The following ASPRV1 variants were observed in gnomAD, a reference collection of about 807,000 sequenced individuals.
The protein encoded by ASPRV1 is retroviral-like aspartic protease 1.
ASPRV1 carries 7 observed loss-of-function variants against 11.0 expected under a neutral mutation model. The observed-to-expected ratio is 0.64, with a 90% CI of 0.36 to 1.20. ASPRV1 has a LOEUF of 1.20. Ranked by LOEUF, ASPRV1 falls within the 50% of genes most tolerant of loss-of-function variation. The pLI, the probability that ASPRV1 is intolerant of heterozygous loss-of-function variation, is 0.02. For synonymous variants in ASPRV1, 136 were observed against 138.4 expected, an observed-to-expected ratio of 0.98 and a Z score of 0.12; for missense variants, 299 against 320.0, an observed-to-expected ratio of 0.93 and a Z score of 0.50.
the ASPRV1 span, among the ~76,000 whole-genome samples, chr2:69,984,673 T>A: frequency 1.6e-5 from 2 of 123,230 alleles, no homozygotes; most frequent in African/African-American, 6.3e-5. Context: ...CAGGCTGGAG[T>A]GCAATATTGC....
At chr2:70,016,216 T>C in the ASPRV1 span, 16 of 152,336 alleles carry the variant, frequency 1.1e-4, no homozygotes, top group Non-Finnish European at 1.9e-4. Context: ...CCAAGTATCT[T>C]TTCTGACCAC....
the ASPRV1 span, among the ~76,000 whole-genome samples, chr2:70,079,483 A>C: frequency 6.6e-6 from 1 of 152,286 alleles, no homozygotes; most frequent in African/African-American, 2.4e-5. Flanking sequence ...TAAAAAATAA[A>C]GTCCTGAAAG....
At chr2:70,079,698 T>C in the ASPRV1 span, among the ~76,000 whole-genome samples, 1 of 152,162 alleles carries the variant, frequency 6.6e-6, no homozygotes, top group African/African-American at 2.4e-5. Context: ...TACTGAGATA[T>C]CAAGAATAAA....
At chr2:69,969,351 G>A in the ASPRV1 span, among the ~76,000 whole-genome samples, 11 of 152,302 alleles carry the variant, frequency 7.2e-5, no homozygotes, top group South Asian at 2.1e-3. Context: ...GCCTTGCCAG[G>A]GACATTGGCG....
chr2:69,952,247 T>C, the ASPRV1 span, among the ~76,000 whole-genome samples: 1 of 152,174 alleles, frequency 6.6e-6, no homozygotes, highest in South Asian at 2.1e-4. Flanking sequence ...AGAAATTGCC[T>C]GGCCGGGTGC....
the ASPRV1 span, among the ~76,000 whole-genome samples, chr2:70,036,818 C>T: frequency 1.3e-5 from 2 of 152,114 alleles, no homozygotes; most frequent in Non-Finnish European, 2.9e-5. Flanking sequence ...CAGGTATGAG[C>T]CACTGCGCCT....
At chr2:70,055,694 C>T in the ASPRV1 span, 842 of 152,166 alleles carry the variant, frequency 5.5e-3, 8 homozygotes, top group Middle Eastern at 0.02. Context: ...CCATGGCACA[C>T]GTACAGCTAT....
the ASPRV1 span, among the ~76,000 whole-genome samples, chr2:69,983,095 C>T: frequency 6.6e-6 from 1 of 151,976 alleles, no homozygotes; most frequent in African/African-American, 2.4e-5. Flanking sequence ...ATTTTTGTAT[C>T]TTTAGTAGAG....
At chr2:69,980,456 A>G in the ASPRV1 span, among the ~76,000 whole-genome samples, 1 of 152,160 alleles carries the variant, frequency 6.6e-6, no homozygotes, top group African/African-American at 2.4e-5. Flanking sequence ...TTTCAAGTGT[A>G]CATGCACACA....
the ASPRV1 span, among the ~76,000 whole-genome samples, chr2:70,004,674 T>C: frequency 1.3e-5 from 2 of 152,188 alleles, no homozygotes; most frequent in Non-Finnish European, 1.5e-5. Context: ...TCTTATATGG[T>C]AGAATCTGTT....
chr2:70,022,840 T>G, the ASPRV1 span, among the ~76,000 whole-genome samples: 1 of 152,046 alleles, frequency 6.6e-6, no homozygotes, highest in South Asian at 2.1e-4. Flanking sequence ...CTATTTTTTG[T>G]GTATAAATTA....
the ASPRV1 span, among the ~76,000 whole-genome samples, chr2:70,036,418 G>A: frequency 1.3e-5 from 2 of 151,782 alleles, no homozygotes; most frequent in East Asian, 1.9e-4. Context: ...AAATAATAAG[G>A]TAGCAACTAG....
chr2:69,938,430 G>A, the ASPRV1 span: 1 of 775,168 alleles, frequency 1.3e-6, no homozygotes, highest in Admixed American at 2.9e-5. Flanking sequence ...TTTTCAAGGA[G>A]GTGCTTAGGA....
the ASPRV1 span, among the ~76,000 whole-genome samples, chr2:69,967,496 G>T: frequency 1.3e-5 from 2 of 152,318 alleles, no homozygotes; most frequent in South Asian, 4.1e-4. Context: ...CTGAGCGGGG[G>T]ATGTGGATAG....
the ASPRV1 span, among the ~76,000 whole-genome samples, chr2:69,991,963 C>G: frequency 3.3e-5 from 5 of 152,298 alleles, no homozygotes; most frequent in Admixed American, 1.3e-4. Flanking sequence ...TCCAGAAGTG[C>G]TGCTTTGGGG....
the ASPRV1 span, among the ~76,000 whole-genome samples, chr2:70,067,395 C>G: frequency 6.6e-6 from 1 of 152,222 alleles, no homozygotes; most frequent in African/African-American, 2.4e-5. Flanking sequence ...GTCTAGAGAT[C>G]TGGGCTGGAG....
downstream of ASPRV1, among the ~76,000 whole-genome samples, chr2:69,957,881 T>C (rs578196825): frequency 1.3e-5 from 2 of 152,268 alleles, no homozygotes; most frequent in East Asian, 3.9e-4. Context: ...GCATCCTCCT[T>C]TCCATCATTG....
At chr2:69,955,347 C>A (rs1269998652), downstream of ASPRV1, among the ~76,000 whole-genome samples, 1 of 152,218 alleles carries the variant, frequency 6.6e-6, no homozygotes, top group Non-Finnish European at 1.5e-5. Context: ...TAAGGACACA[C>A]CTTGACACTG....
chr2:70,083,124 G>C, the ASPRV1 span, among the ~76,000 whole-genome samples: 1 of 152,134 alleles, frequency 6.6e-6, no homozygotes, highest in Non-Finnish European at 1.5e-5. Flanking sequence ...TGGCTGTTTG[G>C]GGACAGAAAA....
Sources: allele counts gnomAD v4.1 joint callset (sites outside exome capture counted in the v4.1 genomes callset), GRCh38; gene constraint gnomAD v4.1.1; transcripts MANE v1.5; gene names NCBI Gene and HGNC (gene_info 2026-07-23, HGNC 2026-07-21).